FANK1: variants seen among roughly 807,000 people sequenced by gnomAD.
FANK1 encodes the protein fibronectin type 3 and ankyrin repeat domains protein 1.
A neutral mutation model predicts 45.3 loss-of-function variants in FANK1; 44 were observed. The ratio of observed to expected loss-of-function variants is 0.97; its 90% CI spans 0.76 to 1.25. The LOEUF (loss-of-function observed/expected upper bound fraction) is 1.25, where lower values mean the gene tolerates loss of function less well. Among genes scored for constraint, FANK1 ranks in the 50% most tolerant of loss-of-function variants. The pLI, the probability that FANK1 is intolerant of heterozygous loss-of-function variation, is 0.00. For missense variants in FANK1, 391 were observed against 424.4 expected (o/e 0.92, Z 0.69); for synonymous variants, 149 against 152.5 (o/e 0.98, Z 0.17).
At chr10:125,997,939 G>T (rs1279684270) in intron 6 of FANK1, among the ~76,000 whole-genome samples, 1 of 152,242 alleles carries the variant, frequency 6.6e-6, no homozygotes, top group Non-Finnish European at 1.5e-5. Context: ...GACACCAAGA[G>T]CACTTTCCTG....
rs1590068352 is a variant in FANK1, at chr10:125,963,533, C to T, written c.14-16628C>T. On this transcript the variant is annotated intron_variant, in intron 1 of 10. Coordinates refer to ENST00000368693, the MANE Select transcript of FANK1 (RefSeq NM_145235.5). ...CATAGACTGGATTAAGAAAATGTGGCACATATACACCATGGAATACTATGC... is the reference window on the plus strand; with the variant it reads ...CATAGACTGGATTAAGAAAATGTGGTACATATACACCATGGAATACTATGC... Among the ~76,000 whole-genome samples the T allele has an allele frequency of 2.0e-5, 3 of 152,266 alleles. No homozygotes were observed. The East Asian group carries it at 5.8e-4, about 29-fold the overall frequency.
intron 1 of FANK1, among the ~76,000 whole-genome samples, chr10:125,946,962 C>G (rs1018583299): frequency 4.8e-5 from 7 of 146,914 alleles, no homozygotes; most frequent in Non-Finnish European, 1.0e-4. Flanking sequence ...CAATATTCAA[C>G]ATTCTTAAAG....
At chr10:125,992,251 T>C (rs1186617478) in intron 3 of FANK1, among the ~76,000 whole-genome samples, 1 of 152,216 alleles carries the variant, frequency 6.6e-6, no homozygotes, top group Non-Finnish European at 1.5e-5. Flanking sequence ...AGAATTGCTG[T>C]GCACTGCAAA....
At chr10:125,992,224 C>T (rs1328619223) in intron 3 of FANK1, among the ~76,000 whole-genome samples, 1 of 152,192 alleles carries the variant, frequency 6.6e-6, no homozygotes, top group Non-Finnish European at 1.5e-5. Flanking sequence ...GGACTCCTGC[C>T]TATAGTGGGA....
chr10:125,933,438 C>T (rs1947880488), intron 1 of FANK1, among the ~76,000 whole-genome samples: 1 of 152,050 alleles, frequency 6.6e-6, no homozygotes, highest in South Asian at 2.1e-4. Flanking sequence ...TTCACAGTAG[C>T]CTTGAATGAG....
intron 6 of FANK1, among the ~76,000 whole-genome samples, chr10:125,997,887 T>C (rs923129266): frequency 6.6e-6 from 1 of 152,198 alleles, no homozygotes; most frequent in Non-Finnish European, 1.5e-5. Context: ...CTAAGAAATC[T>C]TCGTTGTTTC....
Position 125,988,501 on chromosome 10 carries a change from G to T in FANK1, c.192-50G>T, listed in dbSNP as rs765195445. The T allele has an allele frequency of 1.9e-6, 3 of 1,599,496 alleles. No homozygotes were observed. The African/African-American group carries it at 4.0e-5, about 21-fold the overall frequency. On this transcript the variant is annotated intron_variant, in intron 2 of 10. Coordinates refer to ENST00000368693, the MANE Select transcript of FANK1 (RefSeq NM_145235.5). ...CTCTTCTGCTGTCTTATCAGAGAGT[G>T]CAGATTAAGCTACCTGGTGTTATCA...
At chr10:125,970,650 C>CA (rs1394882477) in intron 1 of FANK1, among the ~76,000 whole-genome samples, 3 of 152,174 alleles carry the variant, frequency 2.0e-5, no homozygotes, top group Non-Finnish European at 4.4e-5. Context: ...CCTTCTCCAC[C>CA]AAAAAATACA....
At chr10:125,981,762 A>G (rs1415503646) in intron 2 of FANK1, among the ~76,000 whole-genome samples, 4 of 152,210 alleles carry the variant, frequency 2.6e-5, no homozygotes, top group African/African-American at 9.6e-5. Context: ...ATAATAGTGC[A>G]GTGTCACAGT....
chr10:125,953,933 A>G (rs1309677945), intron 1 of FANK1, among the ~76,000 whole-genome samples: 4 of 152,222 alleles, frequency 2.6e-5, no homozygotes, highest in Non-Finnish European at 5.9e-5. Flanking sequence ...GAAAATGAGC[A>G]CTTAAAGGAT....
Position 126,009,530 on chromosome 10 carries a change from G to A in FANK1, c.*92G>A, listed in dbSNP as rs888940738. 1.5e-6 allele frequency: 2 copies of A among 1,344,396 alleles called. No individual in the cohort carries two copies. Among genetic ancestry groups the A allele is most frequent in the Admixed American group, 2.1e-5 (1 of 48,370 alleles). The allele number at this position is 1,344,396 out of a possible 1,614,324, so 83.3% of individuals were successfully genotyped here. ...GGGAAATTCTGCATCTTGGGGGGCT[G>A]TACATTTATTTATTTAGTTGAAGAT... On this transcript the variant is annotated 3_prime_UTR_variant, in exon 11 of 11. Coordinates refer to ENST00000368693, the MANE Select transcript of FANK1 (RefSeq NM_145235.5).
At chr10:125,980,521 T>G in intron 2 of FANK1, 183 bp downstream of exon 2, 1 of 590,156 alleles carries the variant, frequency 1.7e-6, no homozygotes, top group Non-Finnish European at 2.9e-6. Context: ...ACTTTGAAAT[T>G]AAACCTCTGT....
intron 3 of FANK1, among the ~76,000 whole-genome samples, chr10:125,991,250 G>GGGGGTGTGTGTGTGTGT (rs138607074): frequency 6.9e-6 from 1 of 145,908 alleles, no homozygotes; most frequent in Non-Finnish European, 1.5e-5. Flanking sequence ...GGTGACCAGG[G>GGGGGTGTGTGTGTGTGT]GTGTGTGTGT....
intron 1 of FANK1, among the ~76,000 whole-genome samples, chr10:125,935,779 A>G (rs1271451588): frequency 6.6e-6 from 1 of 152,184 alleles, no homozygotes; most frequent in Non-Finnish European, 1.5e-5. Flanking sequence ...ACCTTTGTAT[A>G]ACAATTCTGT....
intron 6 of FANK1, among the ~76,000 whole-genome samples, chr10:126,000,072 G>A (rs554105077): frequency 2.1e-4 from 32 of 152,078 alleles, no homozygotes; most frequent in Middle Eastern, 3.4e-3. Context: ...AGAAAGGTAG[G>A]AAATCTGAAT....
At chr10:125,950,670 T>C (rs1340238133) in intron 1 of FANK1, among the ~76,000 whole-genome samples, 2 of 152,186 alleles carry the variant, frequency 1.3e-5, no homozygotes, top group Admixed American at 6.5e-5. Context: ...TCAACCATTA[T>C]GGAAGTCAGT....
intron 1 of FANK1, among the ~76,000 whole-genome samples, chr10:125,941,020 T>C (rs1355065704): frequency 6.6e-6 from 1 of 152,202 alleles, no homozygotes; most frequent in Admixed American, 6.5e-5. Flanking sequence ...TGCAGTTTCT[T>C]ATGTGTTCCT....
intron 6 of FANK1, 84 bp from the exon 7 acceptor site, chr10:126,004,800 G>T (rs1320658583): frequency 7.8e-6 from 11 of 1,415,174 alleles, no homozygotes; most frequent in Non-Finnish European, 1.1e-5. Context: ...AGGATTTCTT[G>T]GTTTAAGCCA....
At chr10:125,973,476 G>A in intron 1 of FANK1, 1 of 985,184 alleles carries the variant, frequency 1.0e-6, no homozygotes. Flanking sequence ...GGGATTCAGT[G>A]AGATGACTCA....
Sources: allele counts gnomAD v4.1 joint callset (sites outside exome capture counted in the v4.1 genomes callset), GRCh38; gene constraint gnomAD v4.1.1; transcripts MANE v1.5; gene names NCBI Gene and HGNC (gene_info 2026-07-23, HGNC 2026-07-21).